Variants in GRIA3 observed in about 807,000 individuals in gnomAD.
GRIA3 encodes glutamate receptor 3.
Under a neutral mutation model 63.0 loss-of-function variants are expected in GRIA3, and 3 were observed. The observed-to-expected ratio is 0.05, with a 90% CI of 0.02 to 0.12. The LOEUF (loss-of-function observed/expected upper bound fraction) is 0.12. Ranked by LOEUF, GRIA3 falls within the 10% of genes least tolerant of loss-of-function variation. GRIA3 has a pLI of 1.00. For synonymous variants in GRIA3, 274 were observed against 257.9 expected (o/e 1.06, Z -0.60); for missense variants, 347 against 700.9 (o/e 0.50, Z 5.70).
At chrX:123,238,999 T>A (rs2044316232) in intron 2 of GRIA3, among the ~76,000 whole-genome samples, 1 of 110,856 alleles carries the variant, frequency 9.0e-6, no homozygotes, top group Admixed American at 9.6e-5. Context: ...CTTGATGCTG[T>A]TCAATAAATG....
intron 7 of GRIA3, among the ~76,000 whole-genome samples, chrX:123,400,101 C>G (rs763674754): frequency 1.8e-5 from 2 of 111,213 alleles, no homozygotes; most frequent in Non-Finnish European, 3.8e-5. Flanking sequence ...ATCAACAAAA[C>G]CTCAAGGGGC....
intron 3 of GRIA3, among the ~76,000 whole-genome samples, chrX:123,264,775 A>G (rs2044478620): frequency 8.9e-6 from 1 of 111,826 alleles, no homozygotes; most frequent in Admixed American, 9.4e-5. Context: ...CGGGGTGGAG[A>G]AGAGGGCTCA....
intron 12 of GRIA3, among the ~76,000 whole-genome samples, chrX:123,462,087 A>T (rs997988011): frequency 9.0e-6 from 1 of 111,552 alleles, no homozygotes; most frequent in Non-Finnish European, 1.9e-5. Flanking sequence ...TCTGGAATCC[A>T]GCCTTTTCTT....
Position 123,428,003 on chromosome X carries a change from C to T in GRIA3, c.1940C>T (p.Ser647Phe), listed in dbSNP as rs1556319965. 1 of 1,197,540 alleles carries T rather than the reference C, an allele frequency of 8.4e-7. No individual in the cohort carries two copies. Among genetic ancestry groups the T allele is most frequent in the Middle Eastern group, 2.3e-4 (1 of 4,314 alleles). The change falls in exon 12 of 16, where the codon TCC becomes TTC. Residue 647 changes from serine (S) to phenylalanine (F), a missense_variant. Physicochemically the swap from Ser to Phe is radical, Grantham distance 155. Transcript: ENST00000620443. ...WWFFTLIIIS[S>F]YTANLAAFLT... is the part of the protein sequence containing the mutation. The stretch of plus-strand genomic sequence containing the variant: ...TTCTTCACCCTGATCATAATTTCTT[C>T]CTATACTGCCAATCTCGCTGCTTTC...
intron 10 of GRIA3, among the ~76,000 whole-genome samples, chrX:123,408,027 T>C (rs1260336863): frequency 9.0e-6 from 1 of 111,074 alleles, no homozygotes; most frequent in Non-Finnish European, 1.9e-5. Context: ...AGTGGCATGA[T>C]CTTGGCTCAC....
At chrX:123,426,972 C>T (rs6649007) in intron 11 of GRIA3, among the ~76,000 whole-genome samples, 20,650 of 110,581 alleles carry the variant, frequency 0.19, 3,301 homozygotes, top group African/African-American at 0.52. Context: ...CCTTTTGATG[C>T]CTCTAATCCC....
rs781444435 is a variant in GRIA3, at chrX:123,326,061, G to A, written c.544G>A (p.Val182Met). ...SILQAIMEAAVQNNWQVTARS... is the reference protein window; with the variant it reads ...SILQAIMEAAMQNNWQVTARS... ...CCTCCAAGCGATTATGGAAGCAGCA[G>A]TGCAAAACAACTGGCAAGTAACAGC... Residue 182 changes from valine (V) to methionine (M), a missense_variant, in exon 4 of 16, where the codon GTG (valine) becomes ATG (methionine). Val to Met is a conservative substitution (Grantham distance 21). Around this residue, in one of 8 missense-constraint regions of GRIA3, gnomAD observed 113 missense variants for 130.6 expected, o/e 0.87. Coordinates refer to ENST00000620443, the MANE Select transcript of GRIA3 (RefSeq NM_007325.5). 2 of 1,209,398 alleles carry A rather than the reference G, an allele frequency of 1.7e-6. No individual in the cohort carries two copies. The highest frequency in any genetic ancestry group is 4.3e-5 in the Admixed American group (2 of 46,029).
At chrX:123,292,195 C>G (rs1052300668) in intron 3 of GRIA3, among the ~76,000 whole-genome samples, 2 of 111,762 alleles carry the variant, frequency 1.8e-5, no homozygotes, top group Non-Finnish European at 3.8e-5. Flanking sequence ...AAAGAAAGGT[C>G]TTTGAATTTT....
At chrX:123,459,301 C>T (rs180809059) in intron 12 of GRIA3, among the ~76,000 whole-genome samples, 33 of 111,757 alleles carry the variant, frequency 3.0e-4, no homozygotes, top group Middle Eastern at 4.6e-3. Context: ...CACTAGAGAG[C>T]TACTATATGC....
At chrX:123,412,505 G>A (rs191857348) in intron 10 of GRIA3, among the ~76,000 whole-genome samples, 139 of 111,768 alleles carry the variant, frequency 1.2e-3, no homozygotes, top group Non-Finnish European at 2.5e-3. Context: ...ACTTACATGC[G>A]GCCAAAAACT....
intron 2 of GRIA3, among the ~76,000 whole-genome samples, chrX:123,222,464 C>A (rs1167591941): frequency 8.9e-6 from 1 of 112,211 alleles, no homozygotes; most frequent in Non-Finnish European, 1.9e-5. Flanking sequence ...CAATCACTAA[C>A]CTAGTAACAT....
At chrX:123,257,108 T>C (rs956637851) in intron 3 of GRIA3, among the ~76,000 whole-genome samples, 2 of 111,182 alleles carry the variant, frequency 1.8e-5, no homozygotes, top group Non-Finnish European at 3.8e-5. Context: ...ACAGAACCCT[T>C]CTGTCCATGT....
At chrX:123,450,496 T>G (rs769821504) in intron 12 of GRIA3, among the ~76,000 whole-genome samples, 1 of 112,711 alleles carries the variant, frequency 8.9e-6, no homozygotes, top group East Asian at 2.8e-4. Flanking sequence ...CCTGCATCTA[T>G]GCAAACTTGG....
intron 6 of GRIA3, among the ~76,000 whole-genome samples, chrX:123,396,748 T>C (rs2045416102): frequency 8.9e-6 from 1 of 112,340 alleles, no homozygotes; most frequent in Non-Finnish European, 1.9e-5. Context: ...TTGCCCATTT[T>C]CATAGAAATC....
rs2044988739 is a variant in GRIA3 at position 123,338,610 on chromosome X, G to C, written c.696+12397G>C. 1.8e-5 allele frequency among the ~76,000 whole-genome samples: 2 copies of C among 112,075 alleles called. 1 individual carries two copies. Among genetic ancestry groups the C allele is most frequent in the South Asian group, 7.4e-4 (2 of 2,692 alleles). On this transcript the variant is annotated intron_variant, in intron 4 of 15. Coordinates refer to ENST00000620443, the MANE Select transcript of GRIA3 (RefSeq NM_007325.5). ...CTGTAGCTCAGGCTGGAGTGCAGTG[G>C]TGTGATCTTGGCTCACTGGAACCTT...
chrX:123,247,768 GAA>G (rs773657995), intron 2 of GRIA3, among the ~76,000 whole-genome samples: 49 of 111,307 alleles, frequency 4.4e-4, no homozygotes, highest in Non-Finnish European at 7.0e-4. Context: ...TAGGAAAAGT[GAA>G]AGAGATGGAA....
intron 5 of GRIA3, among the ~76,000 whole-genome samples, chrX:123,372,473 A>G (rs2045253303): frequency 8.9e-6 from 1 of 112,227 alleles, no homozygotes; most frequent in African/African-American, 3.2e-5. Context: ...TAGTATGGAC[A>G]TTGCAACAAT....
At chrX:123,218,049 A>G (rs1480333880) in intron 2 of GRIA3, among the ~76,000 whole-genome samples, 1 of 112,788 alleles carries the variant, frequency 8.9e-6, no homozygotes, top group Non-Finnish European at 1.9e-5. Context: ...TTTTAAAGCA[A>G]CACATAGTAT....
chrX:123,356,228 T>C (rs2045132678), intron 5 of GRIA3, among the ~76,000 whole-genome samples: 1 of 111,841 alleles, frequency 8.9e-6, no homozygotes, highest in African/African-American at 3.2e-5. Context: ...CATTACTTTC[T>C]CACCAGAAAA....
Sources: gnomAD v4.1 joint callset for allele counts (sites outside exome capture counted in the v4.1 genomes callset) on GRCh38, gnomAD v4.1.1 for gene constraint, gnomAD v4.1.1 regional missense constraint, MANE v1.5 for transcripts, NCBI Gene and HGNC (gene_info 2026-07-23, HGNC 2026-07-21) for gene names.